MYRIP: variants seen among roughly 807,000 people sequenced by gnomAD.
The protein encoded by MYRIP is rab effector MyRIP.
A neutral mutation model predicts 98.0 loss-of-function variants in MYRIP; 49 were observed. The observed-to-expected ratio is 0.50, with a 90% CI of 0.40 to 0.63. The LOEUF is 0.63. Ranked by LOEUF, MYRIP falls within the 30% of genes least tolerant of loss-of-function variation. MYRIP has a pLI of 0.00. For missense variants in MYRIP, 1,004 were observed against 1,058.2 expected (o/e 0.95, Z 0.71); for synonymous variants, 404 against 409.5 (o/e 0.99, Z 0.16).
chr3:39,810,180 C>T (rs1268962196), intron 1 of MYRIP, among the ~76,000 whole-genome samples: 3 of 152,226 alleles, frequency 2.0e-5, no homozygotes, highest in South Asian at 2.1e-4. Flanking sequence ...GGGGTGGGAG[C>T]TCGCCTCTGC....
chr3:40,106,864 G>A (rs1450070235), intron 3 of MYRIP, among the ~76,000 whole-genome samples: 3 of 150,040 alleles, frequency 2.0e-5, no homozygotes, highest in Non-Finnish European at 3.0e-5. Context: ...TTTTTTCTTT[G>A]TGTCCACTTG....
intron 3 of MYRIP, among the ~76,000 whole-genome samples, chr3:40,143,102 T>A (rs1035780462): frequency 1.3e-5 from 2 of 152,212 alleles, no homozygotes; most frequent in African/African-American, 4.8e-5. Flanking sequence ...TTTGAACAGA[T>A]TAGTCTGGCT....
At chr3:39,994,852 C>T (rs977539475) in intron 2 of MYRIP, among the ~76,000 whole-genome samples, 1 of 152,210 alleles carries the variant, frequency 6.6e-6, no homozygotes, top group Admixed American at 6.5e-5. Context: ...TCCAGAGGAA[C>T]AATTAGGCAG....
At chr3:40,148,534 C>A (rs1950055046) in intron 3 of MYRIP, among the ~76,000 whole-genome samples, 1 of 151,928 alleles carries the variant, frequency 6.6e-6, no homozygotes, top group Admixed American at 6.6e-5. Flanking sequence ...ACTTTTAGGT[C>A]TTCTATTAAA....
At chr3:39,875,500 ATCC>A (rs1942961000) in intron 1 of MYRIP, among the ~76,000 whole-genome samples, 1 of 151,114 alleles carries the variant, frequency 6.6e-6, no homozygotes, top group South Asian at 2.1e-4. Context: ...TTCCCTCTAC[ATCC>A]TGCTTTGAAT....
At chr3:40,092,435 C>T (rs1209057869) in intron 3 of MYRIP, among the ~76,000 whole-genome samples, 1 of 152,150 alleles carries the variant, frequency 6.6e-6, no homozygotes, top group Non-Finnish European at 1.5e-5. Context: ...ACTTTGTCTT[C>T]ACCAGGCAAG....
At chr3:40,165,561 G>A (rs937593131) in intron 5 of MYRIP, among the ~76,000 whole-genome samples, 1 of 152,142 alleles carries the variant, frequency 6.6e-6, no homozygotes, top group African/African-American at 2.4e-5. Flanking sequence ...CCTAGCCCTT[G>A]CTGACCTACA....
intron 1 of MYRIP, among the ~76,000 whole-genome samples, chr3:39,890,475 C>T (rs919107830): frequency 1.3e-5 from 2 of 151,888 alleles, no homozygotes; most frequent in African/African-American, 4.8e-5. Flanking sequence ...GAGAGATCTT[C>T]TCCTGTTGTT....
At chr3:39,833,749 G>A (rs112117311) in intron 1 of MYRIP, among the ~76,000 whole-genome samples, 12,742 of 152,194 alleles carry the variant, frequency 0.084, 595 homozygotes, top group African/African-American at 0.13. Context: ...GGCCAGGCAC[G>A]GTGGCTCACG....
Position 40,209,949 on chromosome 3 carries a change from G to C in MYRIP, c.1761G>C (p.Leu587=), listed in dbSNP as rs202118661. Residue 587 remains leucine (L), a synonymous_variant, in exon 11 of 17, where the codon CTG becomes CTC. Coordinates refer to ENST00000302541, the MANE Select transcript of MYRIP (RefSeq NM_015460.4). ...CAGAGGAGAAACGGAGAAACAGGCT[G>C]TACGAGTTAGCAATGAAAATGAGTG... The part of the protein sequence containing the change: ...DTTEEKRRNR[L]YELAMKMSEK... 1.2e-6 allele frequency: 2 copies of C among 1,614,074 alleles called. No homozygotes were observed. The highest frequency in any genetic ancestry group is 1.7e-6 in the Non-Finnish European group (2 of 1,179,944).
chr3:40,218,157 A>G (rs577162599), intron 11 of MYRIP, among the ~76,000 whole-genome samples: 1 of 152,228 alleles, frequency 6.6e-6, no homozygotes, highest in East Asian at 1.9e-4. Flanking sequence ...TCTAATAAAG[A>G]CCTATGTCCA....
At chr3:39,876,973 G>A (rs892568341) in intron 1 of MYRIP, among the ~76,000 whole-genome samples, 2 of 152,110 alleles carry the variant, frequency 1.3e-5, no homozygotes, top group African/African-American at 4.8e-5. Context: ...TCGCTTTCAG[G>A]TACACCAATC....
chr3:40,090,685 G>T (rs1348814124), intron 3 of MYRIP, among the ~76,000 whole-genome samples: 1 of 152,158 alleles, frequency 6.6e-6, no homozygotes, highest in Non-Finnish European at 1.5e-5. Context: ...TCTGTCCAGG[G>T]CTATTTCAGA....
intron 3 of MYRIP, among the ~76,000 whole-genome samples, chr3:40,089,244 C>G (rs1948693991): frequency 6.6e-6 from 1 of 152,162 alleles, no homozygotes; most frequent in Non-Finnish European, 1.5e-5. Context: ...CCAACTTAAT[C>G]CAAAACTGGA....
intron 13 of MYRIP, among the ~76,000 whole-genome samples, chr3:40,245,609 A>ACTGCACT (rs1349999836): frequency 7.6e-6 from 1 of 131,518 alleles, no homozygotes; most frequent in Non-Finnish European, 1.6e-5. Flanking sequence ...AGATTGCACC[A>ACTGCACT]CTGCACTCCA....
upstream of MYRIP, among the ~76,000 whole-genome samples, chr3:39,809,258 A>T (rs1940573030): frequency 6.6e-6 from 1 of 151,920 alleles, no homozygotes; most frequent in South Asian, 2.1e-4. Flanking sequence ...GAATCGGGGA[A>T]GGACCTGGAG....
At chr3:39,878,328 C>G (rs1444714049) in intron 1 of MYRIP, among the ~76,000 whole-genome samples, 1 of 152,192 alleles carries the variant, frequency 6.6e-6, no homozygotes, top group Non-Finnish European at 1.5e-5. Flanking sequence ...CCTGCTTCAG[C>G]TCGAGCACAG....
At chr3:39,861,254 A>G (rs927359453) in intron 1 of MYRIP, among the ~76,000 whole-genome samples, 23 of 152,186 alleles carry the variant, frequency 1.5e-4, no homozygotes, top group African/African-American at 5.1e-4. Flanking sequence ...TAAATCTTCC[A>G]GAAATGAAGC....
At chr3:39,837,943 G>A (rs966934396) in intron 1 of MYRIP, among the ~76,000 whole-genome samples, 6 of 152,196 alleles carry the variant, frequency 3.9e-5, no homozygotes, top group South Asian at 2.1e-4. Flanking sequence ...TCCCTTGTAA[G>A]TTGTATTCCT....
Sources: gnomAD v4.1 joint callset for allele counts (sites outside exome capture counted in the v4.1 genomes callset) on GRCh38, gnomAD v4.1.1 for gene constraint, MANE v1.5 for transcripts, NCBI Gene and HGNC (gene_info 2026-07-23, HGNC 2026-07-21) for gene names.